IGSF21: variants seen among roughly 807,000 people sequenced by gnomAD.
IGSF21 encodes immunoglobin superfamily member 21.
Under a neutral mutation model 46.8 loss-of-function variants are expected in IGSF21, and 28 were observed. The observed-to-expected ratio is 0.60, with a 90% CI of 0.44 to 0.82. IGSF21 has a LOEUF of 0.82. Ranked by LOEUF, IGSF21 falls within the 40% of genes least tolerant of loss-of-function variation. The pLI is 0.00. For synonymous variants in IGSF21, 284 were observed against 273.6 expected (o/e 1.04, Z -0.38); for missense variants, 624 against 665.5 (o/e 0.94, Z 0.69).
intron 5 of IGSF21, among the ~76,000 whole-genome samples, chr1:18,364,946 A>T (rs897507309): frequency 2.6e-5 from 4 of 152,140 alleles, no homozygotes; most frequent in Admixed American, 2.6e-4. Context: ...TCTTCTCTTG[A>T]CAAGTGAAGA....
chr1:18,347,011 C>T (rs779760233), intron 4 of IGSF21, among the ~76,000 whole-genome samples: 13 of 152,150 alleles, frequency 8.5e-5, no homozygotes, highest in Non-Finnish European at 1.5e-4. Context: ...ACCGGCTGAG[C>T]GCCAGTTGAG....
intron 3 of IGSF21, among the ~76,000 whole-genome samples, chr1:18,312,654 G>A (rs564001544): frequency 4.6e-5 from 7 of 152,104 alleles, no homozygotes; most frequent in Middle Eastern, 3.4e-3. Context: ...ATCCCCTCCC[G>A]CTCCGACCCT....
rs548796231 is a variant in IGSF21, at chr1:18,377,487, A to C, written c.1333+56A>C. 6 of 1,438,626 alleles carry C rather than the reference A, an allele frequency of 4.2e-6. No individual in the cohort carries two copies. In the South Asian group the frequency reaches 5.7e-5, roughly 14 times the overall value. The allele number at this position is 1,438,626 out of a possible 1,614,324, so 89.1% of individuals were successfully genotyped here. The stretch of plus-strand genomic sequence containing the variant: ...AAAAGGGAGTGGCTTTTGAGGCGCC[A>C]GAAAGCTCTGGTCCCCCAAACTTCC... On this transcript the variant is annotated intron_variant, in intron 9 of 9. Coordinates refer to ENST00000251296, the MANE Select transcript of IGSF21 (RefSeq NM_032880.5).
At chr1:18,325,310 T>C (rs542541332) in intron 3 of IGSF21, among the ~76,000 whole-genome samples, 1 of 152,212 alleles carries the variant, frequency 6.6e-6, no homozygotes, top group African/African-American at 2.4e-5. Flanking sequence ...ATCCAAGCAC[T>C]AGGCTCTGGT....
intron 3 of IGSF21, among the ~76,000 whole-genome samples, chr1:18,292,339 G>A (rs748370502): frequency 1.3e-5 from 2 of 152,266 alleles, no homozygotes; most frequent in Non-Finnish European, 2.9e-5. Context: ...CAATGACACC[G>A]CTGGGCGGTG....
chr1:18,128,085 C>T lies in IGSF21; in HGVS notation c.70+19887C>T, dbSNP rs180755166. 6.8e-3 allele frequency among the ~76,000 whole-genome samples: 1,033 copies of T among 152,276 alleles called. 16 individuals are homozygous for T. The highest frequency in any genetic ancestry group is 0.017 in the Middle Eastern group (5 of 294). The stretch of plus-strand genomic sequence containing the variant: ...TTATTATTATTGTTGTTAGCTAATA[C>T]TAATGGATAACTTACTACTCGTTTA... On this transcript the variant is annotated intron_variant, in intron 1 of 9. Coordinates refer to ENST00000251296, the MANE Select transcript of IGSF21 (RefSeq NM_032880.5).
At chr1:18,220,186 T>C (rs1021060861) in intron 1 of IGSF21, among the ~76,000 whole-genome samples, 5 of 152,194 alleles carry the variant, frequency 3.3e-5, no homozygotes, top group African/African-American at 1.2e-4. Flanking sequence ...CCGTGCTGTC[T>C]GCTGACGCAT....
chr1:18,150,501 C>A (rs541161609), intron 1 of IGSF21, among the ~76,000 whole-genome samples: 1 of 152,298 alleles, frequency 6.6e-6, no homozygotes, highest in East Asian at 1.9e-4. Flanking sequence ...AGATACCTGT[C>A]CCCGATTCTG....
At chr1:18,123,706 G>C (rs186315787) in intron 1 of IGSF21, among the ~76,000 whole-genome samples, 1 of 152,066 alleles carries the variant, frequency 6.6e-6, no homozygotes, top group African/African-American at 2.4e-5. Context: ...GGAGGGATCT[G>C]AGCAGGATAC....
chr1:18,244,071 C>A (rs1374098926), intron 2 of IGSF21, among the ~76,000 whole-genome samples: 1 of 152,318 alleles, frequency 6.6e-6, no homozygotes, highest in South Asian at 2.1e-4. Flanking sequence ...TAAGAGCAAC[C>A]CTTGTTCAGC....
At chr1:18,141,780 A>G (rs879332585) in intron 1 of IGSF21, among the ~76,000 whole-genome samples, 6 of 152,188 alleles carry the variant, frequency 3.9e-5, no homozygotes, top group Non-Finnish European at 8.8e-5. Flanking sequence ...TTTAAAGCAC[A>G]GTTCATGGCT....
intron 2 of IGSF21, among the ~76,000 whole-genome samples, chr1:18,277,553 T>TA (rs1276412735): frequency 6.6e-6 from 1 of 151,944 alleles, no homozygotes; most frequent in African/African-American, 2.4e-5. Context: ...TGACTTTTTT[T>TA]AAAAAAAAGA....
chr1:18,188,979 G>T (rs1422220925), intron 1 of IGSF21, among the ~76,000 whole-genome samples: 1 of 152,180 alleles, frequency 6.6e-6, no homozygotes, highest in African/African-American at 2.4e-5. Context: ...GAGGATCCTT[G>T]TGAGAGTCAG....
chr1:18,275,487 A>T (rs1042858244), intron 2 of IGSF21, among the ~76,000 whole-genome samples: 9 of 152,160 alleles, frequency 5.9e-5, no homozygotes, highest in African/African-American at 1.7e-4. Flanking sequence ...GTGATCAGAC[A>T]TGCAGCAGCC....
chr1:18,138,775 C>T (rs1268614483), intron 1 of IGSF21, among the ~76,000 whole-genome samples: 2 of 152,198 alleles, frequency 1.3e-5, no homozygotes, highest in Non-Finnish European at 2.9e-5. Context: ...TCCCTCGCCA[C>T]CACCATTAAC....
chr1:18,334,305 C>T lies in IGSF21; in HGVS notation c.306-587C>T, dbSNP rs2085744026. 6.6e-6 allele frequency among the ~76,000 whole-genome samples: 1 copy of T among 152,140 alleles called. No individual in the cohort carries two copies. Among genetic ancestry groups the T allele is most frequent in the Admixed American group, 6.5e-5 (1 of 15,284 alleles). ...ACTGGGATGGGGGCTCCTTTGGGAC[C>T]TGAATTTTATTGTCTTTCTCTTCCA... is the stretch of plus-strand genomic sequence containing the variant. On this transcript the variant is annotated intron_variant, in intron 3 of 9. Coordinates refer to ENST00000251296, the MANE Select transcript of IGSF21 (RefSeq NM_032880.5). This position sits in a 1 kb window ranked among gnomAD's most constrained non-coding sequence, Gnocchi z 4.3.
chr1:18,371,634 A>G (rs1384702646), intron 6 of IGSF21, among the ~76,000 whole-genome samples: 1 of 152,180 alleles, frequency 6.6e-6, no homozygotes, highest in Non-Finnish European at 1.5e-5. Context: ...GTGTGAGTCC[A>G]TTTATTTGAA....
At chr1:18,262,887 T>C (rs1321717778) in intron 2 of IGSF21, among the ~76,000 whole-genome samples, 1 of 152,206 alleles carries the variant, frequency 6.6e-6, no homozygotes, top group Admixed American at 6.5e-5. Flanking sequence ...CCAGGGGTGG[T>C]TGGCAACTGC....
At chr1:18,225,085 T>TCTCTCTCTCTCTCTCAGACACA in intron 1 of IGSF21, among the ~76,000 whole-genome samples, 1 of 51,582 alleles carries the variant, frequency 1.9e-5, no homozygotes. Flanking sequence ...TCTCTCTCTC[T>TCTCTCTCTCTCTCTCAGACACA]CACACACACA....
Sources: gnomAD v4.1 joint callset for allele counts (sites outside exome capture counted in the v4.1 genomes callset) on GRCh38, gnomAD v4.1.1 for gene constraint, Gnocchi (gnomAD v3.1) non-coding constraint, MANE v1.5 for transcripts, NCBI Gene and HGNC (gene_info 2026-07-23, HGNC 2026-07-21) for gene names.